Variants in TRDN observed in about 807,000 individuals in gnomAD.
The protein encoded by TRDN is triadin in skeletal muscle.
In TRDN, 161 loss-of-function variants were observed where a neutral mutation model predicts 149.7. That is an observed-to-expected ratio of 1.08 (90% confidence interval 0.95 to 1.23). TRDN has a LOEUF of 1.23. Among genes scored for constraint, TRDN ranks in the 50% most tolerant of loss-of-function variants. TRDN has a pLI of 0.00. For missense variants in TRDN, 896 were observed against 823.5 expected, an observed-to-expected ratio of 1.09 and a Z score of -1.08; for synonymous variants, 294 against 250.5, an observed-to-expected ratio of 1.17 and a Z score of -1.64.
At chr6:123,309,738 T>C (rs1778743408) in intron 24 of TRDN, among the ~76,000 whole-genome samples, 1 of 151,920 alleles carries the variant, frequency 6.6e-6, no homozygotes, top group Non-Finnish European at 1.5e-5. Flanking sequence ...AAAACACACA[T>C]GAACTGTGTT....
At position 123,337,645 on chromosome 6, in the gene TRDN, T is replaced by G. The variant is rs2114737916; in HGVS notation, c.1394A>C (p.Lys465Thr). The G allele has an allele frequency of 6.9e-7, 1 of 1,450,296 alleles. No homozygotes were observed. The highest frequency in any genetic ancestry group is 2.7e-5 in the East Asian group (1 of 37,414). The allele number at this position is 1,450,296 out of a possible 1,614,324, so 89.8% of individuals were successfully genotyped here. ...EQEIRKEKSG[K>T]TSSILKDKEP... ...TTTATCTTTCAGAATTGAAGAAGTC[T>G]TCCCAGATTTTTCTTTTCTAATTTC... is the stretch of plus-strand genomic sequence containing the variant. The change falls in exon 22 of 41, where the codon AAG becomes ACG. Residue 465 changes from lysine (K) to threonine (T), a missense_variant. Coordinates refer to ENST00000334268, the MANE Select transcript of TRDN (RefSeq NM_006073.4).
chr6:123,332,977 T>A (rs1444982411), intron 22 of TRDN, among the ~76,000 whole-genome samples: 1 of 152,110 alleles, frequency 6.6e-6, no homozygotes, highest in Non-Finnish European at 1.5e-5. Flanking sequence ...GAATTTTTTT[T>A]AATGTCTTTG....
At chr6:123,314,259 T>A (rs1183019402) in intron 24 of TRDN, among the ~76,000 whole-genome samples, 1 of 151,958 alleles carries the variant, frequency 6.6e-6, no homozygotes, top group African/African-American at 2.4e-5. Context: ...AGGCTTAATA[T>A]CACTGATTAT....
chr6:123,366,152 G>T lies in TRDN; in HGVS notation c.1304C>A (p.Ala435Glu), dbSNP rs370712881. 11 of 1,612,144 alleles carry T rather than the reference G, an allele frequency of 6.8e-6. No individual in the cohort carries two copies. The Admixed American group carries it at 1.3e-4, about 20-fold the overall frequency. ...KTERAKEEIG[A>E]VSIKKAVPGK... ...GCATTTACCTTTTTTAATTGAAACCGCACCAATCTCCTCTTTGGCTCGTTC... is the reference window on the plus strand; with the variant it reads ...GCATTTACCTTTTTTAATTGAAACCTCACCAATCTCCTCTTTGGCTCGTTC... Residue 435 changes from alanine (A) to glutamate (E), a missense_variant, in exon 20 of 41, where the codon GCG becomes GAG. Transcript: ENST00000334268.
At chr6:123,543,143 G>A (rs941896688) in intron 4 of TRDN, among the ~76,000 whole-genome samples, 4 of 151,878 alleles carry the variant, frequency 2.6e-5, no homozygotes, top group African/African-American at 7.3e-5. Flanking sequence ...ATTTTTAACT[G>A]TGGTATTTGC....
Position 123,265,317 on chromosome 6 carries a change from CT to C in TRDN, c.1804del (p.Gly603GlufsTer26), listed in dbSNP as rs1381728472. 2 of 1,412,922 alleles carry C rather than the reference CT, an allele frequency of 1.4e-6. No individual in the cohort carries two copies. The highest frequency in any genetic ancestry group is 1.5e-5 in the African/African-American group (1 of 66,902). The allele number at this position is 1,412,922 out of a possible 1,614,324, so 87.5% of individuals were successfully genotyped here. A position where few individuals can be genotyped will look rare whatever the true frequency, so the allele number is the denominator to read the frequency against. ...TTAAAATTCTAAAATGGTACACTTA[CT>C]TGGAGTTGGTTTTGGTTTGTCTAAA... ...IKTDKPKPTP[K>X]GTSEVTESGK... On this transcript the variant is annotated frameshift_variant and splice_region_variant, in exon 33 of 41. Transcript: ENST00000334268. LOFTEE classifies it high-confidence loss of function.
chr6:123,293,248 A>G (rs1226926565), intron 24 of TRDN, among the ~76,000 whole-genome samples: 1 of 151,962 alleles, frequency 6.6e-6, no homozygotes, highest in Non-Finnish European at 1.5e-5. Flanking sequence ...AAATATTCAA[A>G]CCCCTGCTTG....
At chr6:123,258,378 A>T (rs1776637588) in intron 35 of TRDN, among the ~76,000 whole-genome samples, 1 of 152,098 alleles carries the variant, frequency 6.6e-6, no homozygotes, top group Admixed American at 6.6e-5. Context: ...CCTTTTCTTT[A>T]TCTATTGAAA....
intron 13 of TRDN, 137 bp from the exon 14 acceptor site, chr6:123,388,688 T>A (rs17737834): frequency 1.1e-6 from 1 of 908,240 alleles, no homozygotes; most frequent in Non-Finnish European, 1.7e-6. Flanking sequence ...AAATCTATGA[T>A]AGGAGTGTAA....
intron 24 of TRDN, among the ~76,000 whole-genome samples, chr6:123,289,835 G>C (rs779013350): frequency 1.3e-5 from 2 of 151,990 alleles, no homozygotes; most frequent in Non-Finnish European, 2.9e-5. Flanking sequence ...TATCAACTTG[G>C]GGGCCCCAGA....
At chr6:123,464,806 T>G in intron 10 of TRDN, 100 bp downstream of exon 10, 1 of 1,503,624 alleles carries the variant, frequency 6.7e-7, no homozygotes, top group Non-Finnish European at 8.9e-7. Context: ...AAGAAAATAT[T>G]GGATTTTGCT....
chr6:123,436,373 T>C (rs1387259080), intron 12 of TRDN, among the ~76,000 whole-genome samples: 1 of 152,148 alleles, frequency 6.6e-6, no homozygotes, highest in Admixed American at 6.5e-5. Flanking sequence ...AATGGAAATT[T>C]GGATGCAAAG....
At chr6:123,625,425 CATT>C (rs1362166818) in intron 1 of TRDN, among the ~76,000 whole-genome samples, 9 of 152,006 alleles carry the variant, frequency 5.9e-5, no homozygotes, top group African/African-American at 2.2e-4. Context: ...TGTGCAATAA[CATT>C]ATGTCTTAAA....
At chr6:123,326,779 C>T (rs914043096) in intron 23 of TRDN, among the ~76,000 whole-genome samples, 27 of 152,016 alleles carry the variant, frequency 1.8e-4, no homozygotes, top group African/African-American at 4.3e-4. Flanking sequence ...TGGTCATTTG[C>T]TCAATTAGCT....
chr6:123,535,187 A>G (rs1395541592), intron 4 of TRDN, among the ~76,000 whole-genome samples: 3 of 152,128 alleles, frequency 2.0e-5, no homozygotes, highest in Middle Eastern at 3.2e-3. Context: ...AAAAGTTACA[A>G]TTATCTTAAT....
chr6:123,258,951 G>T (rs1776657577), intron 35 of TRDN, among the ~76,000 whole-genome samples: 1 of 152,040 alleles, frequency 6.6e-6, no homozygotes, highest in Admixed American at 6.6e-5. Flanking sequence ...TTCTCTGATG[G>T]TAGTTTGTAT....
chr6:123,459,369 T>A (rs1020024445), intron 10 of TRDN, among the ~76,000 whole-genome samples: 2 of 152,222 alleles, frequency 1.3e-5, no homozygotes, highest in Non-Finnish European at 2.9e-5. Context: ...TCTAGTTTCC[T>A]CCCAGGCTCA....
chr6:123,444,898 G>C (rs1306915105), intron 10 of TRDN: 2 of 152,200 alleles, frequency 1.3e-5, no homozygotes, highest in Non-Finnish European at 2.9e-5. Context: ...TAAGCTTTTT[G>C]ATGTGCTGAT....
At chr6:123,433,898 C>T (rs1774445443) in intron 12 of TRDN, 1 of 152,124 alleles carries the variant, frequency 6.6e-6, no homozygotes, top group African/African-American at 2.4e-5. Context: ...TGAGACAAGT[C>T]AACTTGTTAA....
Sources: allele counts gnomAD v4.1 joint callset (sites outside exome capture counted in the v4.1 genomes callset), GRCh38; gene constraint gnomAD v4.1.1; transcripts MANE v1.5; gene names NCBI Gene and HGNC (gene_info 2026-07-23, HGNC 2026-07-21).